STK31: variants seen among roughly 807,000 people sequenced by gnomAD.
The protein encoded by STK31 is serine/threonine-protein kinase 31.
Under a neutral mutation model 129.7 loss-of-function variants are expected in STK31, and 89 were observed. The observed-to-expected ratio is 0.69, with a 90% CI of 0.58 to 0.82. STK31 has a LOEUF of 0.82. Ranked by LOEUF, STK31 falls within the 40% of genes least tolerant of loss-of-function variation. STK31 has a pLI of 0.00. For missense variants in STK31, 1,187 were observed against 1,176.4 expected (o/e 1.01, Z -0.13); for synonymous variants, 448 against 395.3 (o/e 1.13, Z -1.58).
intron 3 of STK31, 104 bp downstream of exon 3, chr7:23,712,390 A>C: frequency 5.1e-5 from 53 of 1,040,156 alleles, no homozygotes; most frequent in Non-Finnish European, 7.0e-5. Flanking sequence ...TGTCATTCTC[A>C]TTGCCTAATA....
In STK31 at chr7:23,764,968, A is replaced by AAAAT. The variant is rs1278254091; in HGVS notation, c.1416+2045_1416+2046insAAAT. ...TTCACTTAGATTTTAAAAAATAAAA[A>AAAAT]TTTTTTTGTTTGCCTTTTAAGTTCG... On this transcript the variant is annotated intron_variant, in intron 11 of 23. Coordinates refer to ENST00000355870, the MANE Select transcript of STK31 (RefSeq NM_031414.5). Among the ~76,000 whole-genome samples the AAAAT allele has an allele frequency of 2.5e-3, 229 of 91,814 alleles. 9 individuals carry two copies. The highest frequency in any genetic ancestry group is 2.8e-3 in the Admixed American group (26 of 9,434). 60.2% of individuals were successfully genotyped at this position (91,814 alleles called of 152,430 possible).
intron 8 of STK31, among the ~76,000 whole-genome samples, chr7:23,749,531 T>G (rs11972815): frequency 0.25 from 36,696 of 145,116 alleles, 4,946 homozygotes; most frequent in East Asian, 0.39. Flanking sequence ...TTTTTTTTTT[T>G]GGGGGTAGAG....
intron 22 of STK31, chr7:23,791,432 T>C (rs953751429): frequency 1.6e-5 from 6 of 376,446 alleles, no homozygotes; most frequent in African/African-American, 2.2e-5. Context: ...TGAGTACATA[T>C]GGACACAAAG....
chr7:23,817,404 A>G (rs1357434682), intron 23 of STK31, among the ~76,000 whole-genome samples: 2 of 134,050 alleles, frequency 1.5e-5, no homozygotes, highest in African/African-American at 5.3e-5. Context: ...AAATTGAGTA[A>G]TAAGCAAGTT....
intron 3 of STK31, 93 bp from the exon 4 acceptor site, chr7:23,717,388 A>G (rs1381645776): frequency 4.1e-6 from 3 of 731,092 alleles, no homozygotes; most frequent in Non-Finnish European, 6.2e-6. Flanking sequence ...AATGGCCTAA[A>G]ATCTTTTAAG....
At chr7:23,754,502 G>T in intron 10 of STK31, 28 bp downstream of exon 10, 1 of 1,583,692 alleles carries the variant, frequency 6.3e-7, no homozygotes, top group Non-Finnish European at 8.6e-7. Flanking sequence ...CTCTATTGTG[G>T]TTTTTATCTG....
At chr7:23,738,401 A>T (rs1422243171) in intron 8 of STK31, among the ~76,000 whole-genome samples, 2 of 4,470 alleles carry the variant, frequency 4.5e-4, no homozygotes, top group Non-Finnish European at 0.029. Context: ...TTGTTTTGAG[A>T]CAGTCTTGCA....
At chr7:23,754,241 A>C in intron 9 of STK31, 74 bp from the exon 10 acceptor site, 1 of 1,503,780 alleles carries the variant, frequency 6.6e-7, no homozygotes, top group Non-Finnish European at 9.0e-7. Context: ...GACCATTACT[A>C]TTAAAGTGTA....
At chr7:23,763,698 T>C (rs1212704607) in intron 11 of STK31, among the ~76,000 whole-genome samples, 2 of 152,088 alleles carry the variant, frequency 1.3e-5, no homozygotes, top group Non-Finnish European at 2.9e-5. Context: ...ATCTCTCTTT[T>C]AGTTCTCATT....
intron 12 of STK31, 68 bp downstream of exon 12, chr7:23,769,242 C>G: frequency 7.2e-7 from 1 of 1,387,878 alleles, no homozygotes; most frequent in Non-Finnish European, 9.5e-7. Context: ...AAAAATCACG[C>G]GCTTTGTTCA....
At chr7:23,830,128 G>A (rs1408139064) in intron 23 of STK31, among the ~76,000 whole-genome samples, 2 of 151,904 alleles carry the variant, frequency 1.3e-5, no homozygotes, top group Non-Finnish European at 2.9e-5. Context: ...TTTATGTTTT[G>A]TATTTTTGTG....
chr7:23,725,186 TA>T (rs1350607444), intron 4 of STK31, among the ~76,000 whole-genome samples: 2 of 152,040 alleles, frequency 1.3e-5, no homozygotes, highest in African/African-American at 4.8e-5. Context: ...CAACTCTCCA[TA>T]AGGACCACTT....
intron 23 of STK31, among the ~76,000 whole-genome samples, chr7:23,822,012 A>G (rs1407839409): frequency 6.6e-6 from 1 of 152,090 alleles, no homozygotes; most frequent in Non-Finnish European, 1.5e-5. Context: ...ATCTATTTCT[A>G]TACTAATAAA....
chr7:23,770,247 T>C (rs575394619), intron 13 of STK31, among the ~76,000 whole-genome samples: 2 of 152,204 alleles, frequency 1.3e-5, no homozygotes, highest in South Asian at 2.1e-4. Context: ...GGGTGTTTTG[T>C]AATTTTAATT....
chr7:23,788,229 C>G, intron 21 of STK31, 100 bp downstream of exon 21: 1 of 1,056,610 alleles, frequency 9.5e-7, no homozygotes, highest in African/African-American at 1.6e-5. Flanking sequence ...ATTATAGGAT[C>G]TTTGTCTTCA....
intron 22 of STK31, among the ~76,000 whole-genome samples, chr7:23,802,543 T>A (rs1343819098): frequency 6.6e-6 from 1 of 152,162 alleles, no homozygotes; most frequent in Admixed American, 6.5e-5. Flanking sequence ...AGACGCAGTC[T>A]CACTCTGTCA....
At chr7:23,808,283 G>A (rs1270938984) in intron 22 of STK31, among the ~76,000 whole-genome samples, 2 of 151,698 alleles carry the variant, frequency 1.3e-5, no homozygotes, top group Admixed American at 1.3e-4. Flanking sequence ...GGAATGCCCA[G>A]TTGTACTGCC....
At chr7:23,714,447 T>C (rs1032691359) in intron 3 of STK31, among the ~76,000 whole-genome samples, 4 of 152,250 alleles carry the variant, frequency 2.6e-5, no homozygotes, top group African/African-American at 9.6e-5. Flanking sequence ...ATGAGCCATG[T>C]AAGTAATTTT....
At chr7:23,823,537 T>G (rs1369611498) in intron 23 of STK31, among the ~76,000 whole-genome samples, 1 of 152,116 alleles carries the variant, frequency 6.6e-6, no homozygotes, top group Admixed American at 6.5e-5. Context: ...TTTTCTCCCA[T>G]TTTGTAGGTT....
Sources: allele counts gnomAD v4.1 joint callset (sites outside exome capture counted in the v4.1 genomes callset), GRCh38; gene constraint gnomAD v4.1.1; transcripts MANE v1.5; gene names NCBI Gene and HGNC (gene_info 2026-07-23, HGNC 2026-07-21).